Variants in SMAD6 observed in about 807,000 individuals in gnomAD.
SMAD6 encodes the protein MAD homolog 6.
In SMAD6, 103 loss-of-function variants were observed where a neutral mutation model predicts 39.4. That is an observed-to-expected ratio of 2.62 (90% CI 2.23 to 3.08). The LOEUF is 3.08. SMAD6 is among the 30% of genes most tolerant of loss of function. SMAD6 has a pLI of 0.00. For synonymous variants in SMAD6, 445 were observed against 353.3 expected, an observed-to-expected ratio of 1.26 and a Z score of -2.91; for missense variants, 1,104 against 742.9, an observed-to-expected ratio of 1.49 and a Z score of -5.65.
At chr15:66,731,183 T>C (rs959307647) in intron 3 of SMAD6, among the ~76,000 whole-genome samples, 1 of 152,018 alleles carries the variant, frequency 6.6e-6, no homozygotes, top group African/African-American at 2.4e-5. Context: ...TCATGCCTGT[T>C]ATCCCAGCAC....
At chr15:66,762,855 A>T (rs893638852) in intron 3 of SMAD6, among the ~76,000 whole-genome samples, 1 of 151,978 alleles carries the variant, frequency 6.6e-6, no homozygotes, top group Non-Finnish European at 1.5e-5. Context: ...TTGGTCTTAC[A>T]ATAGCAATTT....
chr15:66,746,990 ATGTTTG>A (rs1893920203), intron 3 of SMAD6, among the ~76,000 whole-genome samples: 1 of 152,224 alleles, frequency 6.6e-6, no homozygotes, highest in Non-Finnish European at 1.5e-5. Context: ...AGGGAAGAGT[ATGTTTG>A]AGTGACTTTC....
chr15:66,753,384 A>G (rs1894041309), intron 3 of SMAD6, among the ~76,000 whole-genome samples: 3 of 152,216 alleles, frequency 2.0e-5, no homozygotes, highest in South Asian at 4.1e-4. Flanking sequence ...GCCATCTCCA[A>G]GGAGCCCCAG....
At chr15:66,706,669 A>G (rs1000798499) in intron 1 of SMAD6, 1 of 152,426 alleles carries the variant, frequency 6.6e-6, no homozygotes, top group Non-Finnish European at 1.5e-5. Context: ...GCGCACACAC[A>G]TAGCGCAGGC....
chr15:66,739,092 T>C (rs1407740714), intron 3 of SMAD6, among the ~76,000 whole-genome samples: 23 of 144,162 alleles, frequency 1.6e-4, no homozygotes, highest in Admixed American at 9.0e-4. Context: ...TCTTCTTCTT[T>C]TTTTTTTTTT....
At chr15:66,717,484 C>T in intron 3 of SMAD6, 1 of 450,888 alleles carries the variant, frequency 2.2e-6, no homozygotes, top group South Asian at 1.6e-5. Context: ...CTGTTTTGTC[C>T]CCCACTTTTC....
intron 3 of SMAD6, among the ~76,000 whole-genome samples, chr15:66,743,377 G>A (rs537296902): frequency 1.4e-4 from 21 of 151,764 alleles, no homozygotes; most frequent in African/African-American, 4.6e-4. Flanking sequence ...GCATGGAGTC[G>A]GTTTCTGCAT....
At chr15:66,753,970 C>T (rs758455784) in intron 3 of SMAD6, among the ~76,000 whole-genome samples, 4 of 152,206 alleles carry the variant, frequency 2.6e-5, no homozygotes, top group Non-Finnish European at 5.9e-5. Context: ...GTCACCTCTA[C>T]AGGAGTGACA....
chr15:66,708,599 C>CG, intron 1 of SMAD6: 1 of 400,716 alleles, frequency 2.5e-6, no homozygotes, highest in Non-Finnish European at 5.4e-6. Context: ...TGAAAAAGAA[C>CG]GAAGTCCAGC....
chr15:66,774,701 T>C (rs1894435816), intron 3 of SMAD6, among the ~76,000 whole-genome samples: 1 of 152,162 alleles, frequency 6.6e-6, no homozygotes, highest in East Asian at 1.9e-4. Flanking sequence ...ATCCAGGGTG[T>C]GGCTTTTTAC....
intron 3 of SMAD6, among the ~76,000 whole-genome samples, chr15:66,756,132 TTTG>T (rs1396284053): frequency 6.6e-6 from 1 of 152,202 alleles, no homozygotes; most frequent in Admixed American, 6.5e-5. Flanking sequence ...CTGTCCCTCA[TTTG>T]TTGTATCCAT....
intron 3 of SMAD6, among the ~76,000 whole-genome samples, chr15:66,744,931 C>T (rs1458210433): frequency 3.3e-5 from 5 of 152,124 alleles, no homozygotes; most frequent in Non-Finnish European, 7.4e-5. Context: ...CTTGGGGGCT[C>T]CTTTCTGGTT....
chr15:66,716,376 G>C, intron 2 of SMAD6, 45 bp from the exon 3 acceptor site: 9 of 1,355,214 alleles, frequency 6.6e-6, no homozygotes, highest in Middle Eastern at 1.8e-4. Flanking sequence ...AAAAGAGAGC[G>C]CTGCCCCACG....
chr15:66,727,710 G>A (rs765891195), intron 3 of SMAD6, among the ~76,000 whole-genome samples: 14 of 152,152 alleles, frequency 9.2e-5, no homozygotes, highest in Non-Finnish European at 1.2e-4. Flanking sequence ...ATTGATACAC[G>A]GATGACTGTG....
chr15:66,749,841 G>A (rs1043970452), intron 3 of SMAD6, among the ~76,000 whole-genome samples: 2 of 152,174 alleles, frequency 1.3e-5, no homozygotes, highest in African/African-American at 4.8e-5. Context: ...CCCCTTTTGT[G>A]TGCCAGAATC....
intron 3 of SMAD6, among the ~76,000 whole-genome samples, chr15:66,749,522 A>T (rs917380486): frequency 4.6e-5 from 7 of 152,088 alleles, no homozygotes; most frequent in African/African-American, 1.7e-4. Flanking sequence ...GGAGGCTGAG[A>T]TGGGAGCAAA....
intron 3 of SMAD6, among the ~76,000 whole-genome samples, chr15:66,718,223 AG>A (rs1893369725): frequency 6.6e-6 from 1 of 151,752 alleles, no homozygotes; most frequent in African/African-American, 2.4e-5. Context: ...GCCATTCCAG[AG>A]GGGGCCTGGT....
At chr15:66,708,725 C>A (rs946898512) in intron 1 of SMAD6, 3 of 471,496 alleles carry the variant, frequency 6.4e-6, no homozygotes, top group Non-Finnish European at 1.3e-5. Context: ...TGGGCAAACC[C>A]ATAGAGACAC....
intron 3 of SMAD6, among the ~76,000 whole-genome samples, chr15:66,734,448 G>A (rs1047407850): frequency 6.6e-6 from 1 of 152,188 alleles, no homozygotes; most frequent in Non-Finnish European, 1.5e-5. Context: ...AGCAGGGAGC[G>A]GAGGTCGAGG....
Sources: gnomAD v4.1 joint callset for allele counts (sites outside exome capture counted in the v4.1 genomes callset) on GRCh38, gnomAD v4.1.1 for gene constraint, MANE v1.5 for transcripts, NCBI Gene and HGNC (gene_info 2026-07-23, HGNC 2026-07-21) for gene names.